Variants in RNF216 observed in about 807,000 individuals in gnomAD.
The protein encoded by RNF216 is E3 ubiquitin-protein ligase RNF216.
Under a neutral mutation model 110.8 loss-of-function variants are expected in RNF216, and 72 were observed. The ratio of observed to expected loss-of-function variants is 0.65; its 90% CI spans 0.54 to 0.79. The LOEUF (loss-of-function observed/expected upper bound fraction) is 0.79. Ranked by LOEUF, RNF216 falls within the 30% of genes least tolerant of loss-of-function variation. The pLI is 0.00. For missense variants in RNF216, 1,342 were observed against 1,141.2 expected, an observed-to-expected ratio of 1.18 and a Z score of -2.54; for synonymous variants, 495 against 407.5, an observed-to-expected ratio of 1.21 and a Z score of -2.59.
At chr7:5,727,002 G>A (rs1011519081) in intron 7 of RNF216, among the ~76,000 whole-genome samples, 1 of 152,172 alleles carries the variant, frequency 6.6e-6, no homozygotes, top group South Asian at 2.1e-4. Context: ...AGCCTTTCAG[G>A]AAGACTGGGT....
chr7:5,623,121 C>G lies in RNF216; in HGVS notation c.2511G>C (p.Arg837Ser). ...GAACGGGCCTCGGGAGGGCCTCCAC[C>G]CTCTGCACCTTCTCCACAGGCTTCT... ...PLEKPVEKVQ[R>S]VEALPRPVPQ... The change falls in exon 17 of 17, where the codon AGG (arginine) becomes AGC (serine). Residue 837 changes from arginine to serine, a missense_variant. Coordinates refer to ENST00000389902, the MANE Select transcript of RNF216 (RefSeq NM_207111.4). 1 of 1,600,014 alleles carries G rather than the reference C, an allele frequency of 6.2e-7. No individual in the cohort carries two copies. Among genetic ancestry groups the G allele is most frequent in the Non-Finnish European group, 8.6e-7 (1 of 1,169,348 alleles).
At chr7:5,738,399 C>T (rs192470068) in intron 5 of RNF216, among the ~76,000 whole-genome samples, 69 of 152,000 alleles carry the variant, frequency 4.5e-4, no homozygotes, top group Middle Eastern at 6.8e-3. Flanking sequence ...CCGTATTTAT[C>T]CCTTTTATAA....
chr7:5,641,588 TCA>T (rs1787736973), intron 14 of RNF216, among the ~76,000 whole-genome samples: 1 of 152,202 alleles, frequency 6.6e-6, no homozygotes, highest in Non-Finnish European at 1.5e-5. Context: ...GCCTGGAGAC[TCA>T]GTTTCCTCAT....
intron 15 of RNF216, among the ~76,000 whole-genome samples, chr7:5,640,769 T>C (rs1584358446): frequency 6.6e-6 from 1 of 152,238 alleles, no homozygotes; most frequent in Non-Finnish European, 1.5e-5. Flanking sequence ...AAATCTAGAT[T>C]ATAAGTGAGT....
chr7:5,736,684 T>C (rs187491012), intron 5 of RNF216, among the ~76,000 whole-genome samples: 24 of 151,504 alleles, frequency 1.6e-4, no homozygotes, highest in African/African-American at 5.6e-4. Context: ...GGAGCGTCTC[T>C]GCCGGGCCAC....
chr7:5,737,926 A>G (rs577293758), intron 5 of RNF216, among the ~76,000 whole-genome samples: 1 of 152,092 alleles, frequency 6.6e-6, no homozygotes, highest in Non-Finnish European at 1.5e-5. Context: ...TGTCTCTACT[A>G]AAAATACAAA....
chr7:5,628,402 C>T (rs1470665650), intron 15 of RNF216, among the ~76,000 whole-genome samples: 1 of 152,214 alleles, frequency 6.6e-6, no homozygotes, highest in East Asian at 1.9e-4. Context: ...TCAACTGTCT[C>T]CAACTGGCTA....
At chr7:5,765,682 C>T (rs1450040018) in intron 1 of RNF216, among the ~76,000 whole-genome samples, 2 of 151,436 alleles carry the variant, frequency 1.3e-5, no homozygotes, top group African/African-American at 4.9e-5. Flanking sequence ...GTGGCTCACA[C>T]CTGTAATCCC....
At position 5,624,824 on chromosome 7, in the gene RNF216, T is replaced by A. The variant is rs970084264; in HGVS notation, c.2383-699A>T. 2.6e-5 allele frequency among the ~76,000 whole-genome samples: 4 copies of A among 152,164 alleles called. No homozygotes were observed. The highest frequency in any genetic ancestry group is 5.9e-5 in the Non-Finnish European group (4 of 68,034). ...AGATGTGGGAGCTGTGCTGGGAAAC[T>A]CAGGGGCCACACTGGGCAAGCCCCA... is the stretch of plus-strand genomic sequence containing the variant. On this transcript the variant is annotated intron_variant, in intron 15 of 16. Transcript: ENST00000389902. This position sits in a 1 kb window ranked among gnomAD's most constrained non-coding sequence, Gnocchi z 4.4.
chr7:5,714,259 C>A (rs979939314), intron 11 of RNF216, among the ~76,000 whole-genome samples: 6 of 149,224 alleles, frequency 4.0e-5, no homozygotes, highest in African/African-American at 1.5e-4. Context: ...CAGCGCCTGG[C>A]CTATTTTTCT....
At chr7:5,648,998 C>T (rs911664085) in intron 14 of RNF216, among the ~76,000 whole-genome samples, 1 of 152,026 alleles carries the variant, frequency 6.6e-6, no homozygotes, top group Admixed American at 6.6e-5. Context: ...AAGGTAAGTG[C>T]TATATAAGAA....
intron 5 of RNF216, among the ~76,000 whole-genome samples, chr7:5,738,830 T>C (rs1305644650): frequency 6.6e-6 from 1 of 152,044 alleles, no homozygotes; most frequent in African/African-American, 2.4e-5. Flanking sequence ...ACACAGGTAG[T>C]ATCAACGCTT....
chr7:5,722,378 TTTGTTTG>T (rs1466955464), intron 8 of RNF216, among the ~76,000 whole-genome samples: 2 of 146,780 alleles, frequency 1.4e-5, no homozygotes, highest in Non-Finnish European at 3.0e-5. Flanking sequence ...TGTTTTTTTT[TTTGTTTG>T]TTTGTTTGTT....
intron 12 of RNF216, among the ~76,000 whole-genome samples, chr7:5,712,262 T>C (rs1792753895): frequency 1.3e-5 from 2 of 152,134 alleles, no homozygotes; most frequent in Admixed American, 6.5e-5. Flanking sequence ...GGTGGATCAT[T>C]TGAGGTCAGG....
At chr7:5,724,792 A>AG (rs1793648348) in intron 8 of RNF216, among the ~76,000 whole-genome samples, 2 of 152,228 alleles carry the variant, frequency 1.3e-5, no homozygotes, top group African/African-American at 2.4e-5. Context: ...CAACTCAGAT[A>AG]AAATCTGAGT....
chr7:5,626,183 C>T (rs1014297553), intron 15 of RNF216, among the ~76,000 whole-genome samples: 13 of 152,142 alleles, frequency 8.5e-5, no homozygotes, highest in Admixed American at 7.9e-4. Context: ...ATCAAAACCC[C>T]CAGATGAGGT....
intron 15 of RNF216, among the ~76,000 whole-genome samples, chr7:5,630,266 C>G (rs1376230245): frequency 6.6e-6 from 1 of 152,166 alleles, no homozygotes; most frequent in Non-Finnish European, 1.5e-5. Context: ...ACGGGAAGAA[C>G]TACAACTCTG....
intron 9 of RNF216, among the ~76,000 whole-genome samples, chr7:5,719,875 A>C (rs1294345986): frequency 6.6e-6 from 1 of 152,214 alleles, no homozygotes; most frequent in South Asian, 2.1e-4. Flanking sequence ...TCATACCTGG[A>C]TATAAGACAA....
At chr7:5,765,465 A>G (rs551997941) in intron 1 of RNF216, among the ~76,000 whole-genome samples, 6 of 152,064 alleles carry the variant, frequency 3.9e-5, no homozygotes, top group African/African-American at 1.4e-4. Context: ...CTCCATCTCA[A>G]AAAATAAAAA....
Sources: allele counts gnomAD v4.1 joint callset (sites outside exome capture counted in the v4.1 genomes callset), GRCh38; gene constraint gnomAD v4.1.1; non-coding constraint Gnocchi (gnomAD v3.1); transcripts MANE v1.5; gene names NCBI Gene and HGNC (gene_info 2026-07-23, HGNC 2026-07-21).